The following ANKRD44 variants were observed in gnomAD, a reference collection of about 807,000 sequenced individuals.
The protein encoded by ANKRD44 is serine/threonine-protein phosphatase 6 regulatory ankyrin repeat subunit B.
A neutral mutation model predicts 116.0 loss-of-function variants in ANKRD44; 35 were observed. That is an observed-to-expected ratio of 0.30 (90% CI 0.23 to 0.40). The LOEUF (loss-of-function observed/expected upper bound fraction) is 0.40, where lower values mean the gene tolerates loss of function less well. ANKRD44 is among the 10% of genes least tolerant of loss of function. ANKRD44 has a pLI of 1.00. For synonymous variants in ANKRD44, 435 were observed against 461.8 expected, an observed-to-expected ratio of 0.94 and a Z score of 0.74; for missense variants, 1,014 against 1,242.6, an observed-to-expected ratio of 0.82 and a Z score of 2.77.
chr2:197,223,487 C>T (rs569074200), intron 1 of ANKRD44, among the ~76,000 whole-genome samples: 58 of 152,328 alleles, frequency 3.8e-4, no homozygotes, highest in African/African-American at 1.4e-3. Context: ...CTAGTTCATT[C>T]ATTTTCACCC....
rs13003938 is a variant in ANKRD44 at position 196,989,299 on chromosome 2, G to A, written c.*292C>T. Reference sequence around the variant, plus strand: ...TTGGCAAAAAAAAAAAAAAAGGTCAGCACATCATCAGTTACAAATGTTAAG... The same window carrying A: ...TTGGCAAAAAAAAAAAAAAAGGTCAACACATCATCAGTTACAAATGTTAAG... On this transcript the variant is annotated 3_prime_UTR_variant, in exon 28 of 28. Transcript: ENST00000282272. 0.7 allele frequency: 695,660 copies of A among 990,404 alleles called. 250,316 individuals are homozygous for A. The highest frequency in any genetic ancestry group is 0.82 in the East Asian group (7,943 of 9,672). 61.4% of individuals were successfully genotyped at this position (990,404 alleles called of 1,614,324 possible).
intron 1 of ANKRD44, among the ~76,000 whole-genome samples, chr2:197,273,036 G>T (rs2082943993): frequency 6.6e-6 from 1 of 152,130 alleles, no homozygotes; most frequent in Non-Finnish European, 1.5e-5. Context: ...CTTAGATTTT[G>T]CTATTTTCTT....
chr2:197,182,496 G>A (rs2080533485), intron 2 of ANKRD44, among the ~76,000 whole-genome samples: 1 of 152,176 alleles, frequency 6.6e-6, no homozygotes, highest in Non-Finnish European at 1.5e-5. Flanking sequence ...AACTGGCTCA[G>A]CATAAGCAAT....
chr2:197,013,797 G>T, intron 17 of ANKRD44, 85 bp from the exon 18 acceptor site: 1 of 1,418,702 alleles, frequency 7.0e-7, no homozygotes, highest in Admixed American at 1.8e-5. Context: ...GGGCTTCCTG[G>T]GCCATGGATA....
rs115021413 is a variant in ANKRD44, at chr2:197,099,461, C to A, written c.1100+355G>T. On this transcript the variant is annotated intron_variant, in intron 10 of 27. Transcript: ENST00000282272. Reference sequence around the variant, plus strand: ...AACCATATCATTAAAGCTGAGCAAGCAATCTGAATACATTCTAAATTGGCT... The same window carrying A: ...AACCATATCATTAAAGCTGAGCAAGAAATCTGAATACATTCTAAATTGGCT... 249 of 964,402 alleles carry A rather than the reference C, an allele frequency of 2.6e-4. 1 individual carries two copies. In the African/African-American group the frequency reaches 3.7e-3, roughly 14 times the overall value. The allele number at this position is 964,402 out of a possible 1,614,324, so 59.7% of individuals were successfully genotyped here.
At chr2:197,009,156 A>C in intron 18 of ANKRD44, 125 bp from the exon 19 acceptor site, 1 of 657,606 alleles carries the variant, frequency 1.5e-6, no homozygotes, top group Non-Finnish European at 2.6e-6. Flanking sequence ...CAGTGGGGCG[A>C]TGTCATCTCA....
At chr2:197,174,801 C>T (rs2080326290) in intron 2 of ANKRD44, among the ~76,000 whole-genome samples, 1 of 152,148 alleles carries the variant, frequency 6.6e-6, no homozygotes, top group African/African-American at 2.4e-5. Context: ...AATAAATTCA[C>T]TACATATGTC....
chr2:197,203,339 T>C lies in ANKRD44; in HGVS notation c.28-16233A>G, dbSNP rs965288236. Among the ~76,000 whole-genome samples, 4 of 152,340 alleles carry C rather than the reference T, an allele frequency of 2.6e-5. No individual in the cohort carries two copies. Among genetic ancestry groups the C allele is most frequent in the Admixed American group, 2.6e-4 (4 of 15,304 alleles). ...CATGAAAAGATGCTTAACATCAGTC[T>C]TTAGAGAATATAAATCTCTAAGAAC... is the stretch of plus-strand genomic sequence containing the variant. On this transcript the variant is annotated intron_variant, in intron 1 of 27. Coordinates refer to ENST00000282272, the MANE Select transcript of ANKRD44 (RefSeq NM_001195144.2). The surrounding 1 kb of genome is among the most constrained non-coding windows in gnomAD (Gnocchi z 4.1).
At chr2:197,123,459 C>T (rs2078904410) in intron 6 of ANKRD44, among the ~76,000 whole-genome samples, 1 of 152,034 alleles carries the variant, frequency 6.6e-6, no homozygotes. Context: ...GGTGAAACCC[C>T]ATCTCTACTA....
intron 17 of ANKRD44, among the ~76,000 whole-genome samples, chr2:197,024,240 G>A (rs1396007259): frequency 6.6e-6 from 1 of 152,220 alleles, no homozygotes; most frequent in East Asian, 1.9e-4. Context: ...ATAGTATTAA[G>A]TGAAAAGTCA....
intron 1 of ANKRD44, among the ~76,000 whole-genome samples, chr2:197,250,496 C>T (rs1030908193): frequency 1.3e-5 from 2 of 152,118 alleles, no homozygotes; most frequent in Non-Finnish European, 2.9e-5. Context: ...CTGGCCACAC[C>T]GCAGCTGAAT....
In ANKRD44 at chr2:197,203,759, C is replaced by T. The variant is rs975680404; in HGVS notation, c.28-16653G>A. Among the ~76,000 whole-genome samples, 3 of 152,020 alleles carry T rather than the reference C, an allele frequency of 2.0e-5. No individual in the cohort carries two copies. The highest frequency in any genetic ancestry group is 6.6e-5 in the Admixed American group (1 of 15,258). Reference sequence around the variant, plus strand: ...ATGGATAAACCAAATGTGGTACAGCCGTAGAGTAAAATATTACTCAGCCAT... The same window carrying T: ...ATGGATAAACCAAATGTGGTACAGCTGTAGAGTAAAATATTACTCAGCCAT... On this transcript the variant is annotated intron_variant, in intron 1 of 27. Transcript: ENST00000282272. This position sits in a 1 kb window ranked among gnomAD's most constrained non-coding sequence, Gnocchi z 4.1.
intron 2 of ANKRD44, among the ~76,000 whole-genome samples, chr2:197,164,306 C>T (rs1157402317): frequency 6.6e-6 from 1 of 152,206 alleles, no homozygotes; most frequent in Non-Finnish European, 1.5e-5. Context: ...GGTTCTTGAC[C>T]CCTCTCTGGC....
rs547080255 is a variant in ANKRD44, at chr2:197,176,117, T to A, written c.111+10906A>T. On this transcript the variant is annotated intron_variant, in intron 2 of 27. Transcript: ENST00000282272. ...ATTTTGAGCAAGGAGATAGAAGCCATCTACCAAGGATGGCAGCACAAAAGG... is the reference window on the plus strand; with the variant it reads ...ATTTTGAGCAAGGAGATAGAAGCCAACTACCAAGGATGGCAGCACAAAAGG... Among the ~76,000 whole-genome samples, 49 of 152,278 alleles carry A rather than the reference T, an allele frequency of 3.2e-4. No individual in the cohort carries two copies. The South Asian group carries it at 8.7e-3, about 27-fold the overall frequency.
At chr2:196,986,557 T>C (rs548352657), downstream of ANKRD44, 1 of 328,752 alleles carries the variant, frequency 3.0e-6, no homozygotes, top group African/African-American at 2.2e-5. Flanking sequence ...TACACTTTTA[T>C]CTTGATTATT....
chr2:197,123,269 T>G (rs185162793), intron 6 of ANKRD44, among the ~76,000 whole-genome samples: 41 of 152,354 alleles, frequency 2.7e-4, no homozygotes, highest in Admixed American at 1.9e-3. Flanking sequence ...AAATTACTGC[T>G]GCTCAACTGT....
intron 1 of ANKRD44, among the ~76,000 whole-genome samples, chr2:197,190,694 A>G (rs1480277463): frequency 6.6e-6 from 1 of 152,226 alleles, no homozygotes; most frequent in Non-Finnish European, 1.5e-5. Context: ...ATGATGTTTA[A>G]GGCAAAGAAT....
chr2:197,127,208 C>T (rs1397726351), intron 4 of ANKRD44, among the ~76,000 whole-genome samples: 1 of 152,164 alleles, frequency 6.6e-6, no homozygotes, highest in Non-Finnish European at 1.5e-5. Flanking sequence ...TTCTACTAGG[C>T]TTACTCAGTG....
chr2:197,005,856 T>C lies in ANKRD44; in HGVS notation c.2185A>G (p.Ile729Val), dbSNP rs147435237. ...CTCCCTCTGGAATCTTTACAGAGAA[T>C]TGACACTTCTTGTTCCAGCAGCATT... Reference protein sequence around the residue: ...VQMLLEQEVSILCKDSRGRTP... With the variant: ...VQMLLEQEVSVLCKDSRGRTP... Residue 729 changes from isoleucine (I) to valine (V), a missense_variant, in exon 21 of 28, where the codon ATT becomes GTT. Physicochemically the swap from Ile to Val is conservative, Grantham distance 29. Transcript: ENST00000282272. The C allele has an allele frequency of 2.8e-5, 45 of 1,614,154 alleles. No homozygotes were observed. Among genetic ancestry groups the C allele is most frequent in the Middle Eastern group, 1.6e-4 (1 of 6,084 alleles).
Sources: gnomAD v4.1 joint callset for allele counts (sites outside exome capture counted in the v4.1 genomes callset) on GRCh38, gnomAD v4.1.1 for gene constraint, Gnocchi (gnomAD v3.1) non-coding constraint, MANE v1.5 for transcripts, NCBI Gene and HGNC (gene_info 2026-07-23, HGNC 2026-07-21) for gene names.